The following FRMD4A variants were observed in gnomAD, a reference collection of about 807,000 sequenced individuals.
The protein encoded by FRMD4A is FERM domain containing 4A, also known as FERM domain-containing protein 4A.
A neutral mutation model predicts 129.1 loss-of-function variants in FRMD4A; 29 were observed. The ratio of observed to expected loss-of-function variants is 0.22; its 90% CI spans 0.17 to 0.31. FRMD4A has a LOEUF of 0.31. Ranked by LOEUF, FRMD4A falls within the 10% of genes least tolerant of loss-of-function variation. FRMD4A has a pLI of 1.00. For missense variants in FRMD4A, 1,272 were observed against 1,375.8 expected (o/e 0.92, Z 1.19); for synonymous variants, 634 against 571.6 (o/e 1.11, Z -1.56).
chr10:14,157,082 T>A (rs114629993), intron 2 of FRMD4A, among the ~76,000 whole-genome samples: 2,067 of 152,296 alleles, frequency 0.014, 61 homozygotes, highest in African/African-American at 0.047. Context: ...GGTTCAGGTC[T>A]GAAAGCTGCA....
chr10:14,252,615 T>C (rs570433400), intron 2 of FRMD4A, among the ~76,000 whole-genome samples: 1 of 152,368 alleles, frequency 6.6e-6, no homozygotes, highest in African/African-American at 2.4e-5. Context: ...CTCAGGTCAC[T>C]CATATCAGGT....
At chr10:13,749,712 G>A (rs2091474283) in intron 8 of FRMD4A, among the ~76,000 whole-genome samples, 1 of 152,092 alleles carries the variant, frequency 6.6e-6, no homozygotes, top group Non-Finnish European at 1.5e-5. Flanking sequence ...AATGAGGCCA[G>A]GCGTGGTGGC....
intron 2 of FRMD4A, among the ~76,000 whole-genome samples, chr10:14,008,811 C>T (rs1168309941): frequency 6.6e-6 from 1 of 152,074 alleles, no homozygotes; most frequent in African/African-American, 2.4e-5. Context: ...ATCAGACATG[C>T]GTATCTGTTT....
chr10:13,981,401 C>A (rs1457846852), intron 2 of FRMD4A, among the ~76,000 whole-genome samples: 1 of 152,066 alleles, frequency 6.6e-6, no homozygotes, highest in East Asian at 1.9e-4. Context: ...ATGCTGAGAG[C>A]AAACAGACTG....
intron 2 of FRMD4A, among the ~76,000 whole-genome samples, chr10:14,115,321 C>A (rs1473701163): frequency 6.6e-6 from 1 of 152,210 alleles, no homozygotes; most frequent in Non-Finnish European, 1.5e-5. Flanking sequence ...AAGTCCCAGG[C>A]CATCTGTGGT....
At chr10:13,867,006 G>A (rs1426369701) in intron 2 of FRMD4A, among the ~76,000 whole-genome samples, 1 of 152,100 alleles carries the variant, frequency 6.6e-6, no homozygotes, top group African/African-American at 2.4e-5. Context: ...TTACTACAGT[G>A]GAGTCAGTTA....
intron 2 of FRMD4A, among the ~76,000 whole-genome samples, chr10:14,328,491 G>T (rs919359253): frequency 6.6e-6 from 1 of 151,940 alleles, no homozygotes; most frequent in Admixed American, 6.6e-5. Context: ...ATAGAAGAAA[G>T]GTCCAAGTAG....
chr10:14,240,928 A>C (rs900589407), intron 2 of FRMD4A, among the ~76,000 whole-genome samples: 9 of 142,244 alleles, frequency 6.3e-5, no homozygotes, highest in Admixed American at 5.7e-4. Context: ...AAAAAAAAAA[A>C]AATTCCGGGC....
chr10:14,076,653 T>G (rs375133321), intron 2 of FRMD4A, among the ~76,000 whole-genome samples: 1 of 150,444 alleles, frequency 6.6e-6, no homozygotes, highest in African/African-American at 2.5e-5. Flanking sequence ...AAAAAAAAAA[T>G]GTGGATCATT....
At chr10:14,322,029 C>T (rs1224256339) in intron 2 of FRMD4A, among the ~76,000 whole-genome samples, 2 of 152,192 alleles carry the variant, frequency 1.3e-5, no homozygotes, top group Admixed American at 1.3e-4. Context: ...TTGTAAGTTT[C>T]CTGAGGCTTC....
intron 12 of FRMD4A, among the ~76,000 whole-genome samples, chr10:13,728,524 C>T (rs994223289): frequency 1.3e-5 from 2 of 149,018 alleles, no homozygotes; most frequent in Non-Finnish European, 3.0e-5. Flanking sequence ...ATTCACCACC[C>T]TGTACGGAAT....
chr10:14,056,202 T>C (rs1834521939), intron 2 of FRMD4A, among the ~76,000 whole-genome samples: 1 of 152,094 alleles, frequency 6.6e-6, no homozygotes, highest in African/African-American at 2.4e-5. Context: ...TGGCTGGTTT[T>C]TGTATTTTTA....
intron 9 of FRMD4A, 148 bp downstream of exon 9, chr10:13,747,588 T>C (rs1369640453): frequency 5.0e-6 from 2 of 396,200 alleles, no homozygotes; most frequent in East Asian, 3.7e-5. Flanking sequence ...ATGCAGAAAA[T>C]GGTTTCAGGA....
intron 2 of FRMD4A, among the ~76,000 whole-genome samples, chr10:14,213,439 A>G (rs1216626320): frequency 6.6e-6 from 1 of 152,148 alleles, no homozygotes; most frequent in Non-Finnish European, 1.5e-5. Flanking sequence ...CAGAGAGGGT[A>G]AGTAGCTTGT....
intron 9 of FRMD4A, among the ~76,000 whole-genome samples, chr10:13,747,176 A>AAT (rs2091335217): frequency 8.2e-5 from 2 of 24,366 alleles, no homozygotes; most frequent in Admixed American, 3.0e-4. Context: ...TTTGAAAATT[A>AAT]AAAAAAAAAA....
intron 2 of FRMD4A, among the ~76,000 whole-genome samples, chr10:14,211,921 C>G (rs1291020276): frequency 6.6e-6 from 1 of 152,170 alleles, no homozygotes; most frequent in African/African-American, 2.4e-5. Flanking sequence ...CTCAGTGATG[C>G]CTCAGCACTG....
chr10:14,035,832 C>T (rs1833473282), intron 2 of FRMD4A, among the ~76,000 whole-genome samples: 2 of 152,152 alleles, frequency 1.3e-5, no homozygotes, highest in African/African-American at 4.8e-5. Flanking sequence ...GAAACAGAAT[C>T]CTCCACCTTC....
intron 2 of FRMD4A, among the ~76,000 whole-genome samples, chr10:14,079,043 C>T (rs1183760442): frequency 6.6e-6 from 1 of 152,168 alleles, no homozygotes; most frequent in African/African-American, 2.4e-5. Flanking sequence ...TCTCTAAGTG[C>T]TCTTTTGCTT....
chr10:14,226,315 A>C (rs1843434053), intron 2 of FRMD4A, among the ~76,000 whole-genome samples: 1 of 152,140 alleles, frequency 6.6e-6, no homozygotes, highest in Non-Finnish European at 1.5e-5. Context: ...AGCCTGGACC[A>C]TTCAACAGCT....
Sources: allele counts gnomAD v4.1 joint callset (sites outside exome capture counted in the v4.1 genomes callset), GRCh38; gene constraint gnomAD v4.1.1; transcripts MANE v1.5; gene names NCBI Gene and HGNC (gene_info 2026-07-23, HGNC 2026-07-21).